WDR25: variants seen among roughly 807,000 people sequenced by gnomAD.
WDR25 encodes WD repeat domain 25.
WDR25 carries 35 observed loss-of-function variants against 47.7 expected under a neutral mutation model. The ratio of observed to expected loss-of-function variants is 0.73; its 90% CI spans 0.56 to 0.97. WDR25 has a LOEUF of 0.97. Among genes scored for constraint, WDR25 ranks in the 50% least tolerant of loss-of-function variants. The pLI is 0.00. For synonymous variants in WDR25, 248 were observed against 278.9 expected (o/e 0.89, Z 1.10); for missense variants, 634 against 704.7 (o/e 0.90, Z 1.14).
At position 100,412,918 on chromosome 14, in the gene WDR25, C is replaced by T. The variant is rs573935076; in HGVS notation, c.822+31172C>T. Among the ~76,000 whole-genome samples, 21 of 152,318 alleles carry T rather than the reference C, an allele frequency of 1.4e-4. 1 individual carries two copies. The South Asian group carries it at 4.1e-3, about 30-fold the overall frequency. On this transcript the variant is annotated intron_variant, in intron 2 of 6. Transcript: ENST00000402312. ...GATCTTGGCTCACTGCAACCTCCAC[C>T]TCCTGAGTTCAAGTGAATCTCCTGC...
intron 2 of WDR25, among the ~76,000 whole-genome samples, chr14:100,422,611 T>C (rs1446192890): frequency 1.3e-5 from 2 of 152,242 alleles, no homozygotes; most frequent in Non-Finnish European, 2.9e-5. Flanking sequence ...CGGGCCTTCA[T>C]GATGGCCCTC....
chr14:100,433,564 C>T (rs535059450), intron 2 of WDR25, among the ~76,000 whole-genome samples: 12 of 152,318 alleles, frequency 7.9e-5, no homozygotes, highest in South Asian at 4.1e-4. Flanking sequence ...CTCATCAACT[C>T]GTTTTAGCAT....
At chr14:100,429,889 G>T (rs906187501) in intron 2 of WDR25, among the ~76,000 whole-genome samples, 1 of 152,018 alleles carries the variant, frequency 6.6e-6, no homozygotes, top group Non-Finnish European at 1.5e-5. Flanking sequence ...TAATCCTGTT[G>T]AATCAGGGCC....
intron 2 of WDR25, among the ~76,000 whole-genome samples, chr14:100,431,002 A>C (rs1486404448): frequency 6.6e-6 from 1 of 152,188 alleles, no homozygotes; most frequent in African/African-American, 2.4e-5. Context: ...GTGTTTCCTG[A>C]GTGAGTCGAT....
intron 4 of WDR25, among the ~76,000 whole-genome samples, chr14:100,524,837 T>A (rs1022317423): frequency 3.9e-5 from 6 of 152,300 alleles, no homozygotes; most frequent in East Asian, 1.9e-4. Context: ...AACCTCCTCC[T>A]CCTCTAACCT....
chr14:100,381,257 G>C lies in WDR25; in HGVS notation c.333G>C (p.Glu111Asp), dbSNP rs377459133. The C allele has an allele frequency of 7.4e-6, 12 of 1,613,992 alleles. No homozygotes were observed. Among genetic ancestry groups the C allele is most frequent in the Non-Finnish European group, 9.3e-6 (11 of 1,180,026 alleles). The change falls in exon 2 of 7, where the codon GAG becomes GAC. Residue 111 changes from glutamate to aspartate, a missense_variant. Transcript: ENST00000402312. Reference sequence around the variant, plus strand: ...CTCAAGTCACCTTCCCCATCAAAGAGCCTTCTTGTTCTTCTCTGTGGACGA... The same window carrying C: ...CTCAAGTCACCTTCCCCATCAAAGACCCTTCTTGTTCTTCTCTGTGGACGA... The part of the protein sequence containing the change: ...KEPQVTFPIK[E>D]PSCSSLWTSH...
chr14:100,497,440 G>A (rs1464343569), intron 4 of WDR25, among the ~76,000 whole-genome samples: 1 of 151,836 alleles, frequency 6.6e-6, no homozygotes, highest in Non-Finnish European at 1.5e-5. Flanking sequence ...CCTCCTCTCA[G>A]GTCAAAGCTG....
At chr14:100,415,642 C>T (rs940413448) in intron 2 of WDR25, among the ~76,000 whole-genome samples, 2 of 152,188 alleles carry the variant, frequency 1.3e-5, no homozygotes, top group African/African-American at 4.8e-5. Context: ...TTGGGGCATC[C>T]TAATGTCAGG....
At chr14:100,402,256 C>A (rs1897401416) in intron 2 of WDR25, among the ~76,000 whole-genome samples, 1 of 152,046 alleles carries the variant, frequency 6.6e-6, no homozygotes, top group Non-Finnish European at 1.5e-5. Flanking sequence ...TCCATTATTA[C>A]CTCGGTATAA....
intron 2 of WDR25, among the ~76,000 whole-genome samples, chr14:100,429,111 C>G (rs1321280041): frequency 1.3e-5 from 2 of 152,164 alleles, no homozygotes; most frequent in African/African-American, 4.8e-5. Flanking sequence ...TTTTGTCCCC[C>G]GGGTTTTGAT....
intron 2 of WDR25, among the ~76,000 whole-genome samples, chr14:100,466,775 TG>T (rs1273899794): frequency 6.6e-6 from 1 of 152,224 alleles, no homozygotes; most frequent in Non-Finnish European, 1.5e-5. Flanking sequence ...CTGAGCCACC[TG>T]GGTGGTAGGT....
intron 2 of WDR25, among the ~76,000 whole-genome samples, chr14:100,447,718 C>T (rs146637195): frequency 2.1e-4 from 32 of 152,270 alleles, no homozygotes; most frequent in Non-Finnish European, 4.6e-4. Flanking sequence ...AAACCATTTG[C>T]GAGATTGAGG....
chr14:100,529,977 AC>A lies in WDR25; in HGVS notation c.1575del (p.Val526CysfsTer15). On this transcript the variant is annotated frameshift_variant, in exon 7 of 7. Coordinates refer to ENST00000402312, the MANE Select transcript of WDR25 (RefSeq NM_001161476.3). LOFTEE classifies it high-confidence loss of function. This position sits in a 1 kb window ranked among gnomAD's most constrained non-coding sequence, Gnocchi z 5.1. Reference protein sequence around the residue: ...HTQACVGTTYHPVLPSVLATC... With the variant: ...HTQACVGTTYXPVLPSVLATC... ...CAGGCCTGTGTCGGCACCACCTATCACCCCGTGCTGCCCTCCGTCCTCGCCA... is the reference window on the plus strand; with the variant it reads ...CAGGCCTGTGTCGGCACCACCTATCACCCGTGCTGCCCTCCGTCCTCGCCA... 6.2e-7 allele frequency: 1 copy of A among 1,613,188 alleles called. No homozygotes were observed. The highest frequency in any genetic ancestry group is 1.3e-5 in the African/African-American group (1 of 74,962).
intron 3 of WDR25, among the ~76,000 whole-genome samples, chr14:100,483,458 G>A (rs921881944): frequency 3.9e-5 from 6 of 152,048 alleles, no homozygotes; most frequent in Admixed American, 2.0e-4. Flanking sequence ...CTCATTTATC[G>A]CCCAGCATCT....
intron 3 of WDR25, among the ~76,000 whole-genome samples, chr14:100,473,648 C>T (rs1288792353): frequency 6.6e-6 from 1 of 152,174 alleles, no homozygotes; most frequent in Non-Finnish European, 1.5e-5. Context: ...CGACTTTAGA[C>T]CACTTGGCAT....
chr14:100,519,729 ATAGT>A (rs1901635816), intron 4 of WDR25, among the ~76,000 whole-genome samples: 1 of 129,384 alleles, frequency 7.7e-6, no homozygotes, highest in Non-Finnish European at 1.5e-5. Flanking sequence ...TATACTATAT[ATAGT>A]GTATATATAG....
intron 3 of WDR25, among the ~76,000 whole-genome samples, chr14:100,483,039 A>G (rs1180478154): frequency 6.6e-6 from 1 of 152,108 alleles, no homozygotes; most frequent in African/African-American, 2.4e-5. Flanking sequence ...GGTGGCACTC[A>G]GAGACTCCCA....
In WDR25 at chr14:100,449,536, C is replaced by T. The variant is rs2140262229; in HGVS notation, c.823-18485C>T. Among the ~76,000 whole-genome samples the T allele has an allele frequency of 6.6e-6, 1 of 152,342 alleles. No homozygotes were observed. The highest frequency in any genetic ancestry group is 3.4e-3 in the Middle Eastern group (1 of 294). ...CTCTGGAAAAGCTGAGGTCAGGAGG[C>T]CTGTGCCCTGGGACATGGCTATGTA... On this transcript the variant is annotated intron_variant, in intron 2 of 6. Transcript: ENST00000402312. The surrounding 1 kb of genome is among the most constrained non-coding windows in gnomAD (Gnocchi z 4.2).
chr14:100,462,868 C>G (rs1341691484), intron 2 of WDR25, among the ~76,000 whole-genome samples: 1 of 142,548 alleles, frequency 7.0e-6, no homozygotes, highest in Non-Finnish European at 1.5e-5. Context: ...TCTGCACCCC[C>G]CTTCCTTTTT....
Sources: allele counts gnomAD v4.1 joint callset (sites outside exome capture counted in the v4.1 genomes callset), GRCh38; gene constraint gnomAD v4.1.1; non-coding constraint Gnocchi (gnomAD v3.1); transcripts MANE v1.5; gene names NCBI Gene and HGNC (gene_info 2026-07-23, HGNC 2026-07-21).